Variants in SH3RF1 observed in about 807,000 individuals in gnomAD.
SH3RF1 encodes E3 ubiquitin-protein ligase SH3RF1.
Under a neutral mutation model 74.0 loss-of-function variants are expected in SH3RF1, and 32 were observed. The observed-to-expected ratio is 0.43, with a 90% CI of 0.33 to 0.58. SH3RF1 has a LOEUF of 0.58. Among genes scored for constraint, SH3RF1 ranks in the 20% least tolerant of loss-of-function variants. The pLI is 0.05. For synonymous variants in SH3RF1, 396 were observed against 439.6 expected (o/e 0.90, Z 1.24); for missense variants, 954 against 1,130.9 (o/e 0.84, Z 2.24).
At chr4:169,104,946 T>C (rs555733542) in intron 11 of SH3RF1, among the ~76,000 whole-genome samples, 2 of 151,562 alleles carry the variant, frequency 1.3e-5, no homozygotes, top group South Asian at 4.2e-4. Flanking sequence ...TTGCACTTAA[T>C]GTAAGTAGGT....
chr4:169,169,688 A>C (rs1311557921), intron 2 of SH3RF1, among the ~76,000 whole-genome samples: 4 of 152,154 alleles, frequency 2.6e-5, no homozygotes, highest in East Asian at 3.8e-4. Context: ...AGATCTTTGG[A>C]CCACTTAAAA....
chr4:169,145,976 T>C (rs1484184848), intron 4 of SH3RF1, among the ~76,000 whole-genome samples: 1 of 65,656 alleles, frequency 1.5e-5, no homozygotes, highest in Non-Finnish European at 3.0e-5. Flanking sequence ...ATATTCTATA[T>C]ATTATTCTAT....
At chr4:169,224,791 A>T (rs1205778717) in intron 2 of SH3RF1, among the ~76,000 whole-genome samples, 2 of 152,192 alleles carry the variant, frequency 1.3e-5, no homozygotes, top group East Asian at 3.8e-4. Flanking sequence ...GATCTTGAAG[A>T]CTGAGCCATC....
intron 2 of SH3RF1, among the ~76,000 whole-genome samples, chr4:169,168,553 A>G (rs1187132302): frequency 6.6e-6 from 1 of 152,234 alleles, no homozygotes; most frequent in Non-Finnish European, 1.5e-5. Flanking sequence ...GGTCTTACAC[A>G]AAGAGAGTAA....
chr4:169,187,486 A>C (rs979238254), intron 2 of SH3RF1, among the ~76,000 whole-genome samples: 1 of 151,610 alleles, frequency 6.6e-6, no homozygotes, highest in Non-Finnish European at 1.5e-5. Flanking sequence ...TCACACCCAG[A>C]CTACAGTATA....
intron 2 of SH3RF1, among the ~76,000 whole-genome samples, chr4:169,261,222 C>T (rs1486695406): frequency 6.6e-6 from 1 of 152,222 alleles, no homozygotes; most frequent in Non-Finnish European, 1.5e-5. Flanking sequence ...GCCACAACTT[C>T]TGACCTCCAA....
intron 4 of SH3RF1, among the ~76,000 whole-genome samples, chr4:169,141,232 G>T (rs1733780077): frequency 6.6e-6 from 1 of 152,062 alleles, no homozygotes; most frequent in South Asian, 2.1e-4. Flanking sequence ...CTATGTAGAT[G>T]TTGTTATACA....
At chr4:169,175,140 TGCATCAGC>T in intron 2 of SH3RF1, among the ~76,000 whole-genome samples, 1 of 152,280 alleles carries the variant, frequency 6.6e-6, no homozygotes, top group East Asian at 1.9e-4. Context: ...ATCCACTTAA[TGCATCAGC>T]AAGTCTGCCA....
intron 2 of SH3RF1, among the ~76,000 whole-genome samples, chr4:169,253,316 A>T (rs774690472): frequency 1.5e-4 from 23 of 152,260 alleles, no homozygotes; most frequent in Non-Finnish European, 2.9e-4. Flanking sequence ...TAAGTATCAG[A>T]TAGCTTAGTC....
chr4:169,135,845 T>A (rs182797249), intron 5 of SH3RF1, among the ~76,000 whole-genome samples: 15 of 152,346 alleles, frequency 9.8e-5, no homozygotes, highest in Non-Finnish European at 1.9e-4. Flanking sequence ...TAAATGCTTC[T>A]TTCTGTCCTT....
At chr4:169,228,683 G>T (rs1379482815) in intron 2 of SH3RF1, among the ~76,000 whole-genome samples, 1 of 152,182 alleles carries the variant, frequency 6.6e-6, no homozygotes, top group Non-Finnish European at 1.5e-5. Flanking sequence ...TGGGGATTAG[G>T]ATGTAAACAT....
intron 2 of SH3RF1, among the ~76,000 whole-genome samples, chr4:169,231,748 G>A (rs1397384228): frequency 6.6e-6 from 1 of 151,936 alleles, no homozygotes; most frequent in Non-Finnish European, 1.5e-5. Flanking sequence ...GACAACTAAC[G>A]CCTCTTTCTA....
chr4:169,218,789 TA>T (rs1448183159), intron 2 of SH3RF1, among the ~76,000 whole-genome samples: 2 of 152,078 alleles, frequency 1.3e-5, no homozygotes, highest in African/African-American at 4.8e-5. Flanking sequence ...ACTCAATAAA[TA>T]CATGAATTAA....
At chr4:169,258,745 T>C (rs988526488) in intron 2 of SH3RF1, among the ~76,000 whole-genome samples, 4 of 152,226 alleles carry the variant, frequency 2.6e-5, no homozygotes, top group Non-Finnish European at 4.4e-5. Context: ...GTCTGAAATC[T>C]AGTTTTATTA....
At chr4:169,242,325 T>C (rs1730925537) in intron 2 of SH3RF1, among the ~76,000 whole-genome samples, 1 of 152,226 alleles carries the variant, frequency 6.6e-6, no homozygotes, top group South Asian at 2.1e-4. Context: ...TCTAACATCT[T>C]TGTAATTTTT....
intron 2 of SH3RF1, among the ~76,000 whole-genome samples, chr4:169,180,720 T>A (rs749775225): frequency 6.6e-6 from 1 of 152,172 alleles, no homozygotes; most frequent in South Asian, 2.1e-4. Context: ...TAAAAAAAAT[T>A]ATATTTATAT....
chr4:169,127,468 C>A (rs1733546951), intron 6 of SH3RF1, among the ~76,000 whole-genome samples: 1 of 152,160 alleles, frequency 6.6e-6, no homozygotes, highest in South Asian at 2.1e-4. Context: ...ATGCAGAGGG[C>A]TCCTGCTACT....
At chr4:169,242,659 G>A (rs1579158940) in intron 2 of SH3RF1, among the ~76,000 whole-genome samples, 1 of 152,106 alleles carries the variant, frequency 6.6e-6, no homozygotes, top group African/African-American at 2.4e-5. Context: ...GGGCCCAATG[G>A]GAGATGTTTA....
chr4:169,150,632 A>AG (rs1052592945), intron 4 of SH3RF1, among the ~76,000 whole-genome samples: 1 of 152,088 alleles, frequency 6.6e-6, no homozygotes, highest in East Asian at 1.9e-4. Flanking sequence ...CGCTACCCCC[A>AG]GGGGGGTCTT....
Sources: gnomAD v4.1 joint callset for allele counts (sites outside exome capture counted in the v4.1 genomes callset) on GRCh38, gnomAD v4.1.1 for gene constraint, MANE v1.5 for transcripts, NCBI Gene and HGNC (gene_info 2026-07-23, HGNC 2026-07-21) for gene names.